CREB5: variants seen among roughly 807,000 people sequenced by gnomAD.
CREB5 encodes the protein cyclic AMP-responsive element-binding protein 5.
A neutral mutation model predicts 57.1 loss-of-function variants in CREB5; 19 were observed. The observed-to-expected ratio is 0.33, with a 90% CI of 0.23 to 0.49. The LOEUF (loss-of-function observed/expected upper bound fraction) is 0.49, where lower values mean the gene tolerates loss of function less well. Among genes scored for constraint, CREB5 ranks in the 20% least tolerant of loss-of-function variants. The pLI is 0.99. For missense variants in CREB5, 579 were observed against 671.6 expected (o/e 0.86, Z 1.52); for synonymous variants, 238 against 238.3 (o/e 1.00, Z 0.01).
At chr7:28,352,632 A>G (rs567207108) in intron 1 of CREB5, among the ~76,000 whole-genome samples, 1 of 152,344 alleles carries the variant, frequency 6.6e-6, no homozygotes, top group Admixed American at 6.5e-5. Context: ...CCACAATCTC[A>G]GAGTCACATT....
intron 4 of CREB5, among the ~76,000 whole-genome samples, chr7:28,560,855 T>TGCGTGCGCGCGCGTGCGTGC (rs1554344299): frequency 1.8e-5 from 1 of 56,388 alleles, no homozygotes; most frequent in Non-Finnish European, 3.5e-5. Flanking sequence ...CGCGTGTGTG[T>TGCGTGCGCGCGCGTGCGTGC]GTGCGTGTGC....
intron 5 of CREB5, among the ~76,000 whole-genome samples, chr7:28,661,252 G>A (rs1799599668): frequency 6.6e-6 from 1 of 151,992 alleles, no homozygotes; most frequent in Non-Finnish European, 1.5e-5. Flanking sequence ...ATTCCTAGTT[G>A]TCCTTCCCCT....
chr7:28,657,925 T>TTTGTTTG, intron 5 of CREB5, among the ~76,000 whole-genome samples: 1 of 152,278 alleles, frequency 6.6e-6, no homozygotes, highest in African/African-American at 2.4e-5. Context: ...TATAAATCTC[T>TTTGTTTG]TTGTTTGCAC....
At chr7:28,311,138 C>CAAAAAAAAAAA (rs58272820) in intron 1 of CREB5, among the ~76,000 whole-genome samples, 25 of 117,538 alleles carry the variant, frequency 2.1e-4, no homozygotes, top group East Asian at 5.3e-4. Flanking sequence ...ACTAAAAATA[C>CAAAAAAAAAAA]AAAAAAAAAA....
At chr7:28,621,992 G>T (rs1441315543) in intron 5 of CREB5, among the ~76,000 whole-genome samples, 1 of 152,118 alleles carries the variant, frequency 6.6e-6, no homozygotes, top group Non-Finnish European at 1.5e-5. Context: ...AGATGATGAG[G>T]AAGTCTCAGG....
intron 7 of CREB5, among the ~76,000 whole-genome samples, chr7:28,750,021 A>G (rs995228450): frequency 6.6e-6 from 1 of 152,210 alleles, no homozygotes; most frequent in African/African-American, 2.4e-5. Context: ...ACAATAAATC[A>G]ATATATGTAA....
intron 5 of CREB5, among the ~76,000 whole-genome samples, chr7:28,587,685 A>G (rs982731717): frequency 1.3e-5 from 2 of 152,188 alleles, no homozygotes; most frequent in East Asian, 3.8e-4. Context: ...TCTCTTGTGT[A>G]ATATTTTCAA....
chr7:28,660,269 A>G (rs548322781), intron 5 of CREB5, among the ~76,000 whole-genome samples: 7 of 152,304 alleles, frequency 4.6e-5, no homozygotes, highest in South Asian at 2.1e-4. Context: ...ATGTCTTATC[A>G]GCACCACGTG....
chr7:28,574,798 T>C (rs1206464341), intron 5 of CREB5, among the ~76,000 whole-genome samples: 1 of 152,200 alleles, frequency 6.6e-6, no homozygotes, highest in Admixed American at 6.5e-5. Context: ...CAGAAATATG[T>C]TCAACAGAAT....
At chr7:28,350,391 GT>G (rs927616953) in intron 1 of CREB5, among the ~76,000 whole-genome samples, 1 of 152,046 alleles carries the variant, frequency 6.6e-6, no homozygotes, top group Non-Finnish European at 1.5e-5. Flanking sequence ...CACTTTCCTT[GT>G]GGGAAAGCCC....
intron 5 of CREB5, among the ~76,000 whole-genome samples, chr7:28,689,609 G>T (rs996227518): frequency 1.3e-5 from 2 of 152,046 alleles, no homozygotes; most frequent in Non-Finnish European, 2.9e-5. Flanking sequence ...CCTGTTCTGC[G>T]TTCCTGTATG....
At chr7:28,760,104 A>T (rs1805558085) in intron 7 of CREB5, among the ~76,000 whole-genome samples, 1 of 152,234 alleles carries the variant, frequency 6.6e-6, no homozygotes, top group South Asian at 2.1e-4. Flanking sequence ...TGCACAAAAC[A>T]TGTTTTGAAC....
At chr7:28,557,692 G>C (rs216736) in intron 4 of CREB5, among the ~76,000 whole-genome samples, 22,755 of 152,102 alleles carry the variant, frequency 0.15, 2,179 homozygotes, top group East Asian at 0.4. Flanking sequence ...GAAACACTTG[G>C]AAGAGATGAG....
chr7:28,389,922 A>G (rs1787182796), intron 1 of CREB5, among the ~76,000 whole-genome samples: 1 of 152,186 alleles, frequency 6.6e-6, no homozygotes. Flanking sequence ...GTTGTGCTAC[A>G]TGTTGAATGA....
chr7:28,655,108 G>T (rs531666937), intron 5 of CREB5, among the ~76,000 whole-genome samples: 3 of 152,156 alleles, frequency 2.0e-5, no homozygotes, highest in South Asian at 2.1e-4. Context: ...TCACCATGTT[G>T]CCCAGGCTGG....
chr7:28,324,210 A>T lies in CREB5; in HGVS notation c.-25+24769A>T, dbSNP rs113634997. ...GTTTAAAGAACATAATATAAAACAA[A>T]CCTTACATGATCCCATTTTATCCTT... On this transcript the variant is annotated intron_variant, in intron 1 of 9. Coordinates refer to the CREB5 transcript ENST00000396299. Among the ~76,000 whole-genome samples, 814 of 152,168 alleles carry T rather than the reference A, an allele frequency of 5.3e-3. 15 individuals are homozygous for T. Among genetic ancestry groups the T allele is most frequent in the African/African-American group, 0.019 (778 of 41,498 alleles).
chr7:28,779,746 G>A (rs1187011296), intron 7 of CREB5, among the ~76,000 whole-genome samples: 2 of 152,084 alleles, frequency 1.3e-5, no homozygotes, highest in Non-Finnish European at 2.9e-5. Flanking sequence ...TTTGGAATTT[G>A]TTCCTCTCAA....
chr7:28,433,433 G>T lies in CREB5; in HGVS notation c.3+20516G>T, dbSNP rs138401172. 4.4e-3 allele frequency among the ~76,000 whole-genome samples: 676 copies of T among 152,206 alleles called. 5 individuals are homozygous for T. Among genetic ancestry groups the T allele is most frequent in the African/African-American group, 0.016 (646 of 41,538 alleles). ...TTTATTTGCTGGCAATTTATGAATT[G>T]TTCATCTTTGTTTCTGCTTTTTGGC... On this transcript the variant is annotated intron_variant, in intron 1 of 10. Coordinates refer to ENST00000357727, the MANE Select transcript of CREB5 (RefSeq NM_182898.4).
chr7:28,476,647 T>C (rs1791078945), intron 1 of CREB5, among the ~76,000 whole-genome samples: 1 of 152,212 alleles, frequency 6.6e-6, no homozygotes, highest in Non-Finnish European at 1.5e-5. Context: ...GATATTAGGT[T>C]TACCATAAAT....
Sources: allele counts gnomAD v4.1 joint callset (sites outside exome capture counted in the v4.1 genomes callset), GRCh38; gene constraint gnomAD v4.1.1; transcripts MANE v1.5; gene names NCBI Gene and HGNC (gene_info 2026-07-23, HGNC 2026-07-21).